OR51B5: variants seen among roughly 807,000 people sequenced by gnomAD.
The protein encoded by OR51B5 is olfactory receptor family 51 subfamily B member 5, also known as olfactory receptor 51B5.
For synonymous variants in OR51B5, 186 were observed against 144.8 expected, an observed-to-expected ratio of 1.28 and a Z score of -2.04; for missense variants, 456 against 374.6, an observed-to-expected ratio of 1.22 and a Z score of -1.79.
intron 1 of OR51B5, among the ~76,000 whole-genome samples, chr11:5,503,351 TAACA>T (rs1291421712): frequency 6.6e-6 from 1 of 152,272 alleles, no homozygotes; most frequent in African/African-American, 2.4e-5. Flanking sequence ...TCATTCAAAA[TAACA>T]ATCAAAAAAT....
At chr11:5,485,102 T>C (rs1564829372) in intron 1 of OR51B5, among the ~76,000 whole-genome samples, 1 of 152,158 alleles carries the variant, frequency 6.6e-6, no homozygotes, top group Non-Finnish European at 1.5e-5. Context: ...CAGAAGCAGA[T>C]TTCCCATCAT....
chr11:5,429,315 G>A (rs1850497724), intron 1 of OR51B5, among the ~76,000 whole-genome samples: 1 of 152,158 alleles, frequency 6.6e-6, no homozygotes, highest in Non-Finnish European at 1.5e-5. Flanking sequence ...CAGGGTCTCA[G>A]TCTGTGCAGT....
At chr11:5,347,707 C>G (rs1301794076), upstream of OR51B5, among the ~76,000 whole-genome samples, 1 of 151,836 alleles carries the variant, frequency 6.6e-6, no homozygotes, top group African/African-American at 2.4e-5. Context: ...TTGTGCTGTT[C>G]AAAGCCCAAT....
intron 1 of OR51B5, among the ~76,000 whole-genome samples, chr11:5,398,668 T>C (rs1408781050): frequency 6.6e-6 from 1 of 151,956 alleles, no homozygotes; most frequent in South Asian, 2.1e-4. Context: ...TGGGAGATTA[T>C]TGGATCATGG....
intron 1 of OR51B5, among the ~76,000 whole-genome samples, chr11:5,400,227 C>T (rs551483693): frequency 4.6e-4 from 70 of 152,210 alleles, no homozygotes; most frequent in Non-Finnish European, 2.9e-4. Context: ...TACTATGTTA[C>T]GTTGTATCAG....
intron 1 of OR51B5, among the ~76,000 whole-genome samples, chr11:5,406,067 G>A (rs1223926020): frequency 6.6e-6 from 1 of 152,144 alleles, no homozygotes; most frequent in East Asian, 1.9e-4. Flanking sequence ...GGAGGTACAG[G>A]AAAAGACGTT....
In OR51B5 at chr11:5,501,427, CCTT is replaced by C. The variant is rs1432242047; in HGVS notation, n.84+4139_84+4141del. Among the ~76,000 whole-genome samples, 4 of 148,028 alleles carry C rather than the reference CCTT, an allele frequency of 2.7e-5. 1 individual carries two copies. Among genetic ancestry groups the C allele is most frequent in the Admixed American group, 7.0e-5 (1 of 14,264 alleles). On this transcript the variant is annotated intron_variant and non_coding_transcript_variant, in intron 1 of 4. Transcript: ENST00000415970. ...ATCCTGATGGGAGTAGCAAAAGTTA[CCTT>C]CTTATTATACTCAGGATAAAATCCA...
At chr11:5,379,812 GA>G (rs1296975372) in intron 1 of OR51B5, among the ~76,000 whole-genome samples, 2 of 152,052 alleles carry the variant, frequency 1.3e-5, no homozygotes, top group African/African-American at 2.4e-5. Context: ...ACTTTCCCAT[GA>G]GTCTGGCTTT....
intron 1 of OR51B5, among the ~76,000 whole-genome samples, chr11:5,395,778 GT>G (rs1389880847): frequency 6.6e-6 from 1 of 152,164 alleles, no homozygotes; most frequent in Middle Eastern, 3.2e-3. Context: ...TGGAAGGATT[GT>G]CCAAAAACCT....
At chr11:5,394,837 A>C (rs1849843661) in intron 1 of OR51B5, among the ~76,000 whole-genome samples, 1 of 152,210 alleles carries the variant, frequency 6.6e-6, no homozygotes, top group African/African-American at 2.4e-5. Context: ...TTTGTGTCTT[A>C]TTAATGCTTG....
exon 1 of OR51B5, chr11:5,342,629 T>C: frequency 6.2e-7 from 1 of 1,606,796 alleles, no homozygotes; most frequent in African/African-American, 1.3e-5. Context: ...AAGAATGGCA[T>C]TCTGAATCTG....
At chr11:5,348,620 AGGTTT>A (rs1849029712) in intron 1 of OR51B5, among the ~76,000 whole-genome samples, 1 of 152,056 alleles carries the variant, frequency 6.6e-6, no homozygotes, top group Non-Finnish European at 1.5e-5. Context: ...GCACCTGGAA[AGGTTT>A]ATATTGTGTA....
At chr11:5,374,623 C>T (rs569003398) in intron 1 of OR51B5, among the ~76,000 whole-genome samples, 23 of 152,038 alleles carry the variant, frequency 1.5e-4, no homozygotes, top group African/African-American at 5.3e-4. Context: ...ATAACCAATA[C>T]AGAGAAGTGC....
chr11:5,502,630 G>A (rs182644635), intron 1 of OR51B5, among the ~76,000 whole-genome samples: 101 of 152,292 alleles, frequency 6.6e-4, no homozygotes, highest in Middle Eastern at 3.4e-3. Flanking sequence ...TAGAAAGACC[G>A]GTTCAAATTC....
chr11:5,427,471 A>G (rs1458239735), intron 1 of OR51B5, among the ~76,000 whole-genome samples: 1 of 152,286 alleles, frequency 6.6e-6, no homozygotes, highest in Non-Finnish European at 1.5e-5. Flanking sequence ...AGTTGAAGAC[A>G]TCAGTGTGAT....
At chr11:5,419,266 A>G (rs1850293319) in intron 1 of OR51B5, among the ~76,000 whole-genome samples, 1 of 152,158 alleles carries the variant, frequency 6.6e-6, no homozygotes. Context: ...CAGGAATGAA[A>G]ATGTCTTTAG....
At chr11:5,494,252 G>A (rs1378108675) in intron 1 of OR51B5, among the ~76,000 whole-genome samples, 4 of 152,190 alleles carry the variant, frequency 2.6e-5, no homozygotes, top group Non-Finnish European at 5.9e-5. Flanking sequence ...TCAGAACCAC[G>A]TTTGCATGTC....
intron 1 of OR51B5, chr11:5,430,886 G>C (rs200264222): frequency 4.4e-6 from 2 of 457,080 alleles, no homozygotes; most frequent in South Asian, 3.1e-5. Context: ...CATGTGTTGA[G>C]AGCCTTCCAC....
intron 1 of OR51B5, chr11:5,454,385 C>A (rs76300102): frequency 6.2e-7 from 1 of 1,611,232 alleles, no homozygotes; most frequent in South Asian, 1.1e-5. Context: ...CAAAGGAAAT[C>A]CGCCGAGCCA....
Sources: gnomAD v4.1 joint callset for allele counts (sites outside exome capture counted in the v4.1 genomes callset) on GRCh38, gnomAD v4.1.1 for gene constraint, MANE v1.5 for transcripts, NCBI Gene and HGNC (gene_info 2026-07-23, HGNC 2026-07-21) for gene names.